Variants in ADCY9 observed in about 807,000 individuals in gnomAD.
The protein encoded by ADCY9 is adenylate cyclase type 9.
In ADCY9, 50 loss-of-function variants were observed where a neutral mutation model predicts 101.5. The ratio of observed to expected loss-of-function variants is 0.49; its 90% CI spans 0.39 to 0.62. ADCY9 has a LOEUF of 0.62. Ranked by LOEUF, ADCY9 falls within the 20% of genes least tolerant of loss-of-function variation. The pLI is 0.00. For synonymous variants in ADCY9, 905 were observed against 769.3 expected (o/e 1.18, Z -2.92); for missense variants, 1,662 against 1,800.4 (o/e 0.92, Z 1.39).
Position 3,966,255 on chromosome 16 carries a change from G to A in ADCY9, c.3582C>T (p.Ala1194=). 1.9e-6 allele frequency: 3 copies of A among 1,614,192 alleles called. No individual in the cohort carries two copies. The highest frequency in any genetic ancestry group is 1.7e-5 in the Admixed American group (1 of 60,024). ...YDIWGDTVNI[A]SRMDTTGVEC... The stretch of plus-strand genomic sequence containing the variant: ...CCACGCCGGTGGTGTCCATCCTGCT[G>A]GCGATGTTGACGGTGTCTCCCCAGA... Residue 1194 remains alanine, a synonymous_variant, in exon 11 of 11, where the codon GCC becomes GCT. Transcript: ENST00000294016.
At chr16:4,049,583 C>T (rs891655162) in intron 2 of ADCY9, among the ~76,000 whole-genome samples, 1 of 152,140 alleles carries the variant, frequency 6.6e-6, no homozygotes, top group Non-Finnish European at 1.5e-5. Context: ...GATTTTTCTT[C>T]TGACTACAAG....
chr16:4,087,711 A>C (rs913104657), intron 2 of ADCY9, among the ~76,000 whole-genome samples: 3 of 151,388 alleles, frequency 2.0e-5, no homozygotes, highest in African/African-American at 7.3e-5. Context: ...TCCTGAAGCA[A>C]TCCTGTTACT....
intron 2 of ADCY9, among the ~76,000 whole-genome samples, chr16:4,065,866 G>A (rs2056798091): frequency 6.6e-6 from 1 of 152,180 alleles, no homozygotes; most frequent in South Asian, 2.1e-4. Context: ...GCCACACCCG[G>A]CTCAGTTTTG....
chr16:4,063,609 G>A (rs2056784522), intron 2 of ADCY9, among the ~76,000 whole-genome samples: 1 of 152,012 alleles, frequency 6.6e-6, no homozygotes, highest in East Asian at 1.9e-4. Flanking sequence ...CTCCTTGGGG[G>A]GCTGAGGTGA....
At chr16:4,099,132 C>T (rs1369797105) in intron 2 of ADCY9, among the ~76,000 whole-genome samples, 1 of 151,948 alleles carries the variant, frequency 6.6e-6, no homozygotes, top group African/African-American at 2.4e-5. Flanking sequence ...AGGGTTTCCC[C>T]ATGTTGGCCA....
intron 2 of ADCY9, among the ~76,000 whole-genome samples, chr16:4,050,609 G>T (rs1304585396): frequency 6.6e-6 from 1 of 150,622 alleles, no homozygotes; most frequent in South Asian, 2.1e-4. Flanking sequence ...AGCTACTAGG[G>T]AGGCTGAGGC....
intron 2 of ADCY9, among the ~76,000 whole-genome samples, chr16:4,097,002 AT>A (rs2057007646): frequency 6.6e-6 from 1 of 152,186 alleles, no homozygotes; most frequent in Non-Finnish European, 1.5e-5. Context: ...TTCCATGTGT[AT>A]AAATGGTAAT....
In ADCY9 at chr16:4,114,753, C is replaced by A; in HGVS notation, c.690G>T (p.Val230=). The change falls in exon 2 of 11, where the codon GTG becomes GTT. Residue 230 remains valine (V), a synonymous_variant. Transcript: ENST00000294016. The surrounding 1 kb of genome is among the most constrained non-coding windows in gnomAD (Gnocchi z 4.3). The part of the protein sequence containing the change: ...QVGSFSMCIE[V]LFLLYTVMHL... ...GCATGACGGTATAGAGCAAAAAGAG[C>A]ACTTCGATGCACATGGAGAAGCTCC... 1 of 1,613,172 alleles carries A rather than the reference C, an allele frequency of 6.2e-7. No individual in the cohort carries two copies. The highest frequency in any genetic ancestry group is 8.5e-7 in the Non-Finnish European group (1 of 1,180,042).
Position 3,966,434 on chromosome 16 carries a change from G to C in ADCY9, c.3403C>G (p.Leu1135Val), listed in dbSNP as rs551293106. The C allele has an allele frequency of 6.2e-7, 1 of 1,614,154 alleles. No homozygotes were observed. Among genetic ancestry groups the C allele is most frequent in the Middle Eastern group, 1.6e-4 (1 of 6,062 alleles). Reference sequence around the variant, plus strand: ...TTGGCGAACTCGAACAGGATCTGCAGGTGCTCCTGCGGGTGGCTGCCGTCC... The same window carrying C: ...TTGGCGAACTCGAACAGGATCTGCACGTGCTCCTGCGGGTGGCTGCCGTCC... The part of the protein sequence containing the change: ...AQDGSHPQEH[L>V]QILFEFAKEM... The change falls in exon 11 of 11, where the codon CTG (leucine) becomes GTG (valine). Residue 1135 changes from leucine (L) to valine (V), a missense_variant. This residue lies in a region of ADCY9 where 220 missense variants were observed against 312.9 expected (regional missense o/e 0.70). Coordinates refer to ENST00000294016, the MANE Select transcript of ADCY9 (RefSeq NM_001116.4).
At position 4,110,952 on chromosome 16, in the gene ADCY9, C is replaced by G. The variant is rs540250253; in HGVS notation, c.1693+2798G>C. Among the ~76,000 whole-genome samples the G allele has an allele frequency of 2.0e-3, 307 of 152,334 alleles. 2 individuals carry two copies. The highest frequency in any genetic ancestry group is 6.6e-3 in the African/African-American group (276 of 41,586). On this transcript the variant is annotated intron_variant, in intron 2 of 10. Transcript: ENST00000294016. ...CCCCGCCTCTGGAGTCGAGTCCCAC[C>G]TCCTACCTCACGATCACGGATCCTG...
intron 2 of ADCY9, among the ~76,000 whole-genome samples, chr16:4,097,551 A>ATTTTTTTTTTT (rs1385822000): frequency 2.0e-5 from 1 of 51,038 alleles, no homozygotes; most frequent in African/African-American, 1.1e-4. Context: ...ATATATATAT[A>ATTTTTTTTTTT]TATTTTTTTT....
In ADCY9 at chr16:3,989,090, C is replaced by A. The variant is rs1393881621; in HGVS notation, c.2214G>T (p.Met738Ile). The A allele has an allele frequency of 1.9e-6, 3 of 1,612,426 alleles. No homozygotes were observed. Among genetic ancestry groups the A allele is most frequent in the African/African-American group, 1.3e-5 (1 of 74,864 alleles). The change falls in exon 6 of 11, where the codon ATG becomes ATT. Residue 738 changes from methionine to isoleucine, a missense_variant. This residue lies in a region of ADCY9 where 624 missense variants were observed against 639.1 expected (regional missense o/e 0.98). Transcript: ENST00000294016. ...FVDVIKEDSL[M>I]KDYFFKPPIN... ...TGGGCGGCTTAAAAAAGTAATCTTT[C>A]ATCAGGCTAGAAGACACAACAAATG...
intron 3 of ADCY9, among the ~76,000 whole-genome samples, chr16:4,001,188 G>C (rs2531972): frequency 0.89 from 136,001 of 152,086 alleles, 61,945 homozygotes; most frequent in East Asian, 1. Flanking sequence ...CCCAGTTTCC[G>C]CACCGTCCCT....
chr16:4,056,740 A>G (rs1011923323), intron 2 of ADCY9, among the ~76,000 whole-genome samples: 3 of 152,242 alleles, frequency 2.0e-5, no homozygotes, highest in Non-Finnish European at 2.9e-5. Flanking sequence ...CACTGTGCCT[A>G]GTGCATAGTA....
chr16:4,110,588 C>T (rs972865317), intron 2 of ADCY9, among the ~76,000 whole-genome samples: 2 of 152,076 alleles, frequency 1.3e-5, no homozygotes, highest in Non-Finnish European at 2.9e-5. Context: ...CGGGGTTTCA[C>T]TATATTGGCC....
chr16:4,030,417 AC>A (rs2056547742), intron 2 of ADCY9, among the ~76,000 whole-genome samples: 1 of 151,966 alleles, frequency 6.6e-6, no homozygotes, highest in Non-Finnish European at 1.5e-5. Flanking sequence ...AAGAATATAT[AC>A]TGACCAGGGG....
At chr16:4,034,223 G>C (rs2056574948) in intron 2 of ADCY9, among the ~76,000 whole-genome samples, 1 of 152,178 alleles carries the variant, frequency 6.6e-6, no homozygotes, top group Admixed American at 6.5e-5. Context: ...ACTTAGCCAA[G>C]GTGACGCAAA....
downstream of ADCY9, among the ~76,000 whole-genome samples, chr16:3,961,845 G>A (rs147317469): frequency 4.6e-3 from 707 of 152,228 alleles, 3 homozygotes; most frequent in African/African-American, 0.016. Flanking sequence ...GGCCAACATG[G>A]TGAAACCCTG....
At chr16:4,045,878 T>C (rs1412689941) in intron 2 of ADCY9, among the ~76,000 whole-genome samples, 2 of 142,886 alleles carry the variant, frequency 1.4e-5, no homozygotes, top group East Asian at 4.1e-4. Context: ...TCTTTTTTTT[T>C]TTTTTTTTTT....
Sources: gnomAD v4.1 joint callset for allele counts (sites outside exome capture counted in the v4.1 genomes callset) on GRCh38, gnomAD v4.1.1 for gene constraint, gnomAD v4.1.1 regional missense constraint, Gnocchi (gnomAD v3.1) non-coding constraint, MANE v1.5 for transcripts, NCBI Gene and HGNC (gene_info 2026-07-23, HGNC 2026-07-21) for gene names.